Variants in YLPM1 observed in about 807,000 individuals in gnomAD.
The protein encoded by YLPM1 is YLP motif-containing protein 1.
Under a neutral mutation model 230.0 loss-of-function variants are expected in YLPM1, and 99 were observed. The ratio of observed to expected loss-of-function variants is 0.43; its 90% CI spans 0.37 to 0.51. The LOEUF (loss-of-function observed/expected upper bound fraction) is 0.51, where lower values mean the gene tolerates loss of function less well. Ranked by LOEUF, YLPM1 falls within the 20% of genes least tolerant of loss-of-function variation. The pLI, the probability that YLPM1 is intolerant of heterozygous loss-of-function variation, is 0.00. For synonymous variants in YLPM1, 984 were observed against 942.5 expected (o/e 1.04, Z -0.81); for missense variants, 2,592 against 2,707.7 (o/e 0.96, Z 0.95).
At chr14:74,779,237 GC>G (rs2140085297) in intron 2 of YLPM1, among the ~76,000 whole-genome samples, 1 of 152,266 alleles carries the variant, frequency 6.6e-6, no homozygotes, top group South Asian at 2.1e-4. Context: ...AAAGGAAGAT[GC>G]CAGCATATGT....
intron 4 of YLPM1, among the ~76,000 whole-genome samples, chr14:74,790,926 T>A (rs1352110534): frequency 6.6e-6 from 1 of 152,190 alleles, no homozygotes; most frequent in Non-Finnish European, 1.5e-5. Flanking sequence ...TTTTGTAACA[T>A]CTTTGAACTT....
intron 1 of YLPM1, among the ~76,000 whole-genome samples, chr14:74,768,690 TA>T (rs1227495849): frequency 6.6e-6 from 1 of 152,232 alleles, no homozygotes; most frequent in East Asian, 1.9e-4. Flanking sequence ...ATGTGCCAGG[TA>T]CTATGAGTAC....
chr14:74,772,389 G>A (rs1306874402), intron 1 of YLPM1, among the ~76,000 whole-genome samples: 1 of 146,116 alleles, frequency 6.8e-6, no homozygotes, highest in Non-Finnish European at 1.5e-5. Context: ...ATGGAGTCTC[G>A]CTCTCACCCA....
rs1234965598 is a variant in YLPM1, at chr14:74,780,410, G to A, written c.1116G>A (p.Glu372=). Residue 372 remains glutamate (E), a synonymous_variant, in exon 3 of 21, where the codon GAG becomes GAA. Transcript: ENST00000325680. ...PPLPPEEPQS[E]DPEEDARLKQ... is the part of the protein sequence containing the mutation. The stretch of plus-strand genomic sequence containing the variant: ...GTGTCCTCTTTTATCTTTAGTCTGA[G>A]GACCCAGAAGAAGATGCCAGGTTAA... 1.2e-6 allele frequency: 2 copies of A among 1,610,420 alleles called. No homozygotes were observed. The highest frequency in any genetic ancestry group is 1.7e-6 in the Non-Finnish European group (2 of 1,178,204).
At position 74,764,018 on chromosome 14, in the gene YLPM1, C is replaced by G. The variant is rs1023323150; in HGVS notation, c.529C>G (p.Pro177Ala). The G allele has an allele frequency of 6.2e-7, 1 of 1,609,406 alleles. No homozygotes were observed. Among genetic ancestry groups the G allele is most frequent in the South Asian group, 1.1e-5 (1 of 90,776 alleles). The stretch of plus-strand genomic sequence containing the variant: ...TCAGCCGCCACCCTCTTACTACCCC[C>G]CGACCTCATCTCAGCCCTACCTGCC... ...PPQPPPSYYP[P>A]TSSQPYLPPA... Residue 177 changes from proline to alanine, a missense_variant, in exon 1 of 21, where the codon CCG (proline) becomes GCG (alanine). Physicochemically the swap from Pro to Ala is conservative, Grantham distance 27. Around this residue, in one of 4 missense-constraint regions of YLPM1, gnomAD observed 1,862 missense variants for 1,819.8 expected, o/e 1.02. Transcript: ENST00000325680.
rs1467807354 is a variant in YLPM1, at chr14:74,836,952, T to C, written c.*1214T>C. On this transcript the variant is annotated 3_prime_UTR_variant, in exon 21 of 21. Coordinates refer to ENST00000325680, the MANE Select transcript of YLPM1 (RefSeq NM_019589.3). The stretch of plus-strand genomic sequence containing the variant: ...CATGAAAGAAGATGAGAGAGCCTTC[T>C]TCCTCAAGCATAATTTGCATTTTGT... The C allele has an allele frequency of 6.6e-6, 1 of 152,270 alleles. No homozygotes were observed. Among genetic ancestry groups the C allele is most frequent in the African/African-American group, 2.4e-5 (1 of 41,444 alleles). 9.4% of individuals were successfully genotyped at this position (152,270 alleles called of 1,614,324 possible). A position where few individuals can be genotyped will look rare whatever the true frequency, so the allele number is the denominator to read the frequency against.
chr14:74,763,998 C>A lies in YLPM1; in HGVS notation c.509C>A (p.Pro170Gln). Reference sequence around the variant, plus strand: ...CAGTCTTACATGCCCCCACCTCAGCCGCCACCCTCTTACTACCCCCCGACC... The same window carrying A: ...CAGTCTTACATGCCCCCACCTCAGCAGCCACCCTCTTACTACCCCCCGACC... ...PSQSYMPPPQ[P>Q]PPSYYPPTSS... is the part of the protein sequence containing the mutation. Residue 170 changes from proline to glutamine, a missense_variant, in exon 1 of 21, where the codon CCG becomes CAG. This residue lies in a region of YLPM1 where 1,862 missense variants were observed against 1,819.8 expected (regional missense o/e 1.02). Coordinates refer to ENST00000325680, the MANE Select transcript of YLPM1 (RefSeq NM_019589.3). 6.2e-7 allele frequency: 1 copy of A among 1,601,228 alleles called. No homozygotes were observed. The highest frequency in any genetic ancestry group is 8.5e-7 in the Non-Finnish European group (1 of 1,174,726).
intron 18 of YLPM1, chr14:74,827,621 A>AT: frequency 1.9e-5 from 19 of 985,392 alleles, no homozygotes; most frequent in Non-Finnish European, 2.2e-5. Context: ...TGGAACTGAA[A>AT]TATGAAATTT....
At position 74,835,257 on chromosome 14, in the gene YLPM1, C is replaced by A; in HGVS notation, c.6295-8C>A. 1 of 1,613,196 alleles carries A rather than the reference C, an allele frequency of 6.2e-7. No homozygotes were observed. The highest frequency in any genetic ancestry group is 8.5e-7 in the Non-Finnish European group (1 of 1,179,478). ...CTAAAGCTCAGCCTAATGCTATGTTCTTTTTAGGTCAGATGGGCAGACCTG... is the reference window on the plus strand; with the variant it reads ...CTAAAGCTCAGCCTAATGCTATGTTATTTTTAGGTCAGATGGGCAGACCTG... On this transcript the variant is annotated splice_region_variant and splice_polypyrimidine_tract_variant and intron_variant, in intron 19 of 20. Transcript: ENST00000325680.
chr14:74,791,416 G>C (rs1336362108), intron 4 of YLPM1, among the ~76,000 whole-genome samples: 1 of 152,184 alleles, frequency 6.6e-6, no homozygotes, highest in African/African-American at 2.4e-5. Flanking sequence ...AATTTGGTCT[G>C]AAAACAAAGC....
intron 4 of YLPM1, among the ~76,000 whole-genome samples, chr14:74,796,844 A>G (rs2091266050): frequency 6.7e-6 from 1 of 148,672 alleles, no homozygotes; most frequent in South Asian, 2.1e-4. Context: ...TAGTCTTTTC[A>G]TATTTAGTTT....
chr14:74,802,813 G>A (rs375713709), intron 6 of YLPM1, 137 bp downstream of exon 6: 14 of 1,129,076 alleles, frequency 1.2e-5, no homozygotes, highest in African/African-American at 8.0e-5. Context: ...AAAAGTTTAT[G>A]GTAATTGAAC....
intron 4 of YLPM1, among the ~76,000 whole-genome samples, chr14:74,789,686 G>A (rs2091187416): frequency 6.7e-6 from 1 of 150,002 alleles, no homozygotes; most frequent in Admixed American, 6.7e-5. Context: ...AGAATGCAGT[G>A]GCAGGATCAC....
rs1159321890 is a variant in YLPM1, at chr14:74,764,227, T to A, written c.738T>A (p.Ala246=). ...GCCATTCTAAATCCCAACTACTAGC[T>A]CCACCACCACCGTCCGCCCCCCCTG... is the stretch of plus-strand genomic sequence containing the variant. ...SQGHSKSQLL[A]PPPPSAPPGN... The change falls in exon 1 of 21, where the codon GCT becomes GCA. Residue 246 remains alanine (A), a synonymous_variant. Transcript: ENST00000325680. 4 of 1,612,200 alleles carry A rather than the reference T, an allele frequency of 2.5e-6. No homozygotes were observed. The highest frequency in any genetic ancestry group is 3.4e-6 in the Non-Finnish European group (4 of 1,179,422).
At chr14:74,777,440 G>A (rs181400136) in intron 1 of YLPM1, among the ~76,000 whole-genome samples, 90 of 151,758 alleles carry the variant, frequency 5.9e-4, no homozygotes, top group African/African-American at 2.1e-3. Context: ...GGTGGTGGGT[G>A]CCTGTAATCC....
In YLPM1 at chr14:74,835,997, G is replaced by A; in HGVS notation, c.*259G>A. ...AGGGAGTGATAGCTTAACTGCTGAAGCCAGGCGGGGGTCTGCTGGAGGATT... is the reference window on the plus strand; with the variant it reads ...AGGGAGTGATAGCTTAACTGCTGAAACCAGGCGGGGGTCTGCTGGAGGATT... On this transcript the variant is annotated 3_prime_UTR_variant, in exon 21 of 21. Transcript: ENST00000325680. The A allele has an allele frequency of 2.3e-6, 1 of 428,896 alleles. No individual in the cohort carries two copies. The highest frequency in any genetic ancestry group is 2.7e-5 in the Admixed American group (1 of 37,642). 26.6% of individuals were successfully genotyped at this position (428,896 alleles called of 1,614,324 possible). A position where few individuals can be genotyped will look rare whatever the true frequency, so the allele number is the denominator to read the frequency against.
Position 74,835,794 on chromosome 14 carries a change from T to C in YLPM1, c.*56T>C, listed in dbSNP as rs1021854325. The C allele has an allele frequency of 2.2e-6, 1 of 456,166 alleles. No individual in the cohort carries two copies. Among genetic ancestry groups the C allele is most frequent in the Non-Finnish European group, 4.4e-6 (1 of 227,586 alleles). 28.3% of individuals were successfully genotyped at this position (456,166 alleles called of 1,614,324 possible). On this transcript the variant is annotated 3_prime_UTR_variant, in exon 21 of 21. Transcript: ENST00000325680. ...TTCCAGGTGGTTCGCTTTGAGGTGG[T>C]CTGAAGCCAAGGCCTCGCGGAGCTT...
intron 16 of YLPM1, among the ~76,000 whole-genome samples, chr14:74,818,818 T>C (rs182735332): frequency 6.6e-4 from 101 of 152,330 alleles, no homozygotes; most frequent in African/African-American, 2.4e-3. Context: ...TAATATAAAA[T>C]ATAGTTTCTC....
At chr14:74,793,033 T>C (rs1455865068) in intron 4 of YLPM1, among the ~76,000 whole-genome samples, 1 of 152,230 alleles carries the variant, frequency 6.6e-6, no homozygotes, top group Non-Finnish European at 1.5e-5. Context: ...TTCTATTTTG[T>C]TCTATCACAT....
Sources: gnomAD v4.1 joint callset for allele counts (sites outside exome capture counted in the v4.1 genomes callset) on GRCh38, gnomAD v4.1.1 for gene constraint, gnomAD v4.1.1 regional missense constraint, MANE v1.5 for transcripts, NCBI Gene and HGNC (gene_info 2026-07-23, HGNC 2026-07-21) for gene names.